The following INPP5K variants were observed in gnomAD, a reference collection of about 807,000 sequenced individuals.
INPP5K encodes the protein inositol polyphosphate 5-phosphatase K.
Under a neutral mutation model 53.5 loss-of-function variants are expected in INPP5K, and 35 were observed. The ratio of observed to expected loss-of-function variants is 0.65; its 90% CI spans 0.50 to 0.87. The LOEUF (loss-of-function observed/expected upper bound fraction) is 0.87, where lower values mean the gene tolerates loss of function less well. Ranked by LOEUF, INPP5K falls within the 40% of genes least tolerant of loss-of-function variation. The probability of loss-of-function intolerance (pLI) is 0.00; values close to 1 mark genes in which losing one functional copy is unlikely to be tolerated. For synonymous variants in INPP5K, 253 were observed against 232.8 expected (o/e 1.09, Z -0.79); for missense variants, 550 against 586.2 (o/e 0.94, Z 0.64).
chr17:1,515,189 C>G (rs150004305), intron 1 of INPP5K, among the ~76,000 whole-genome samples: 1 of 152,094 alleles, frequency 6.6e-6, no homozygotes, highest in South Asian at 2.1e-4. Flanking sequence ...GATTACAGGC[C>G]TGAGCCACCG....
chr17:1,498,331 T>C, intron 7 of INPP5K: 1 of 446,310 alleles, frequency 2.2e-6, no homozygotes, highest in African/African-American at 1.9e-5. Flanking sequence ...TTGTCAGACT[T>C]AGCCAGGACC....
intron 7 of INPP5K, among the ~76,000 whole-genome samples, chr17:1,498,524 G>A (rs1356100643): frequency 1.3e-5 from 2 of 152,166 alleles, no homozygotes; most frequent in African/African-American, 4.8e-5. Context: ...GTATGCCTCA[G>A]GAAAGGGAAG....
Position 1,513,918 on chromosome 17 carries a change from G to C in INPP5K, c.106C>G (p.Leu36Val), listed in dbSNP as rs1389525584. The C allele has an allele frequency of 6.2e-7, 1 of 1,613,660 alleles. No homozygotes were observed. Among genetic ancestry groups the C allele is most frequent in the Non-Finnish European group, 8.5e-7 (1 of 1,179,678 alleles). ...TTGAGGTTCCGGTTGTTCAGCTGAA[G>C]CAGGTCACTGAGATCTAGAGGGGGC... ...AAPPLDLSDL[L>V]QLNNRNLNLD... The change falls in exon 2 of 12, where the codon CTT becomes GTT. Residue 36 changes from leucine to valine, a missense_variant. Physicochemically the swap from Leu to Val is conservative, Grantham distance 32. Transcript: ENST00000421807.
intron 7 of INPP5K, among the ~76,000 whole-genome samples, chr17:1,502,145 G>T (rs368378587): frequency 0.022 from 3,263 of 151,348 alleles, 58 homozygotes; most frequent in Non-Finnish European, 0.035. Context: ...GTCAGGACAT[G>T]GAGACCATCC....
intron 3 of INPP5K, 101 bp downstream of exon 3, chr17:1,513,352 A>G: frequency 1.0e-6 from 1 of 982,782 alleles, no homozygotes; most frequent in Non-Finnish European, 1.6e-6. Context: ...AACAGCATGA[A>G]AGGCTGAGCA....
chr17:1,496,143 T>C lies in INPP5K; in HGVS notation c.1207A>G (p.Ile403Val). 1.2e-6 allele frequency: 2 copies of C among 1,612,744 alleles called. No homozygotes were observed. Among genetic ancestry groups the C allele is most frequent in the South Asian group, 1.1e-5 (1 of 91,064 alleles). Reference protein sequence around the residue: ...LNQVYIDISNIPTTEDEFLLC... With the variant: ...LNQVYIDISNVPTTEDEFLLC... ...AGAAACTCATCTTCAGTGGTAGGGA[T>C]ATTGCTGATGTCGATGTAAACCTGG... is the stretch of plus-strand genomic sequence containing the variant. The change falls in exon 11 of 12, where the codon ATC becomes GTC. Residue 403 changes from isoleucine to valine, a missense_variant. Physicochemically the swap from Ile to Val is conservative, Grantham distance 29. Coordinates refer to ENST00000421807, the MANE Select transcript of INPP5K (RefSeq NM_016532.4).
At position 1,508,190 on chromosome 17, in the gene INPP5K, G is replaced by A; in HGVS notation, c.591C>T (p.Ile197=). ...IIWFGDMNFR[I]EDFGLHFVRE... ...GAACAAAGTGCAACCCAAAGTCCTC[G>A]ATCCGAAAGTTCATGTCTCCAAACC... Residue 197 remains isoleucine, a synonymous_variant, in exon 6 of 12, where the codon ATC becomes ATT. Transcript: ENST00000421807. The A allele has an allele frequency of 2.5e-6, 4 of 1,614,012 alleles. No homozygotes were observed. The highest frequency in any genetic ancestry group is 2.5e-6 in the Non-Finnish European group (3 of 1,179,988).
At chr17:1,515,865 G>A (rs1290646137) in intron 1 of INPP5K, 1 of 965,644 alleles carries the variant, frequency 1.0e-6, no homozygotes. Context: ...CTTTTACTCA[G>A]AGACTTCTTT....
At position 1,495,893 on chromosome 17, in the gene INPP5K, GC is replaced by G; in HGVS notation, c.1291-15del. 6.2e-7 allele frequency: 1 copy of G among 1,607,252 alleles called. No individual in the cohort carries two copies. Among genetic ancestry groups the G allele is most frequent in the Non-Finnish European group, 8.5e-7 (1 of 1,174,320 alleles). On this transcript the variant is annotated splice_polypyrimidine_tract_variant and intron_variant, in intron 11 of 11. Coordinates refer to ENST00000421807, the MANE Select transcript of INPP5K (RefSeq NM_016532.4). The stretch of plus-strand genomic sequence containing the variant: ...GCCAGGCGGGATCTGCAGGGATAAA[GC>G]AGGTGGTGGAAATGGAGAGCGGGTC...
intron 7 of INPP5K, among the ~76,000 whole-genome samples, chr17:1,503,199 T>C (rs1005224686): frequency 2.6e-5 from 4 of 150,964 alleles, no homozygotes; most frequent in South Asian, 2.1e-4. Context: ...TTTTTTTTTT[T>C]TTGAGACGAA....
intron 3 of INPP5K, among the ~76,000 whole-genome samples, chr17:1,510,000 G>A (rs141682577): frequency 6.6e-6 from 1 of 152,348 alleles, no homozygotes; most frequent in African/African-American, 2.4e-5. Flanking sequence ...CATTCTGGGG[G>A]CTGAGGTTTT....
intron 1 of INPP5K, chr17:1,515,888 T>A: frequency 1.0e-6 from 1 of 985,126 alleles, no homozygotes; most frequent in Non-Finnish European, 1.2e-6. Flanking sequence ...CCAGACTCAC[T>A]CTAAGAGGAT....
chr17:1,512,717 C>G (rs1258972570), intron 3 of INPP5K, among the ~76,000 whole-genome samples: 1 of 152,154 alleles, frequency 6.6e-6, no homozygotes, highest in Non-Finnish European at 1.5e-5. Flanking sequence ...CCAGAGTATA[C>G]TGGTCTCTCA....
At chr17:1,514,042 C>G (rs2075372814) in intron 1 of INPP5K, 63 bp from the exon 2 acceptor site, 1 of 1,179,552 alleles carries the variant, frequency 8.5e-7, no homozygotes, top group Non-Finnish European at 1.2e-6. Context: ...ACGGGGTCGG[C>G]TGGGCGCAGA....
intron 7 of INPP5K, among the ~76,000 whole-genome samples, chr17:1,502,217 C>T (rs560977376): frequency 4.6e-5 from 7 of 151,988 alleles, no homozygotes; most frequent in Non-Finnish European, 7.4e-5. Flanking sequence ...GGCGTGGTGA[C>T]GGGCGCCTGT....
Position 1,495,708 on chromosome 17 carries a change from C to A in INPP5K, c.*115G>T, listed in dbSNP as rs966919342. ...GCTCACTCTGGGAGGAGTATGTGGA[C>A]GACACTTGGCTGTCTCTTCAGGGGG... On this transcript the variant is annotated 3_prime_UTR_variant, in exon 12 of 12. Coordinates refer to ENST00000421807, the MANE Select transcript of INPP5K (RefSeq NM_016532.4). 4 of 702,620 alleles carry A rather than the reference C, an allele frequency of 5.7e-6. 1 individual carries two copies. The East Asian group carries it at 1.1e-4, about 19-fold the overall frequency. The allele number at this position is 702,620 out of a possible 1,614,324, so 43.5% of individuals were successfully genotyped here.
Position 1,516,495 on chromosome 17 carries a change from C to CATG in INPP5K, c.4_5insCAT (p.Ser2delinsThrCys). The CATG allele has an allele frequency of 6.3e-7, 1 of 1,583,690 alleles. No individual in the cohort carries two copies. Among genetic ancestry groups the CATG allele is most frequent in the Non-Finnish European group, 8.5e-7 (1 of 1,174,106 alleles). On this transcript the variant is annotated protein_altering_variant, in exon 1 of 12. Coordinates refer to ENST00000421807, the MANE Select transcript of INPP5K (RefSeq NM_016532.4). ...TTTCGGCCCGCTCAGCTTCCGCGAG[C>CATG]TCATGGCCGCCGTCGTCCCCGCGCG...
At chr17:1,508,268 G>C in intron 5 of INPP5K, 42 bp from the exon 6 acceptor site, 1 of 1,486,630 alleles carries the variant, frequency 6.7e-7, no homozygotes, top group East Asian at 2.3e-5. Context: ...TTGTGATGAA[G>C]TCGGGGAAGG....
intron 3 of INPP5K, among the ~76,000 whole-genome samples, chr17:1,511,839 C>T (rs1025515487): frequency 4.6e-5 from 6 of 129,336 alleles, no homozygotes; most frequent in African/African-American, 1.4e-4. Context: ...GACACTGGCT[C>T]GCTTTGTGAA....
Sources: gnomAD v4.1 joint callset for allele counts (sites outside exome capture counted in the v4.1 genomes callset) on GRCh38, gnomAD v4.1.1 for gene constraint, MANE v1.5 for transcripts, NCBI Gene and HGNC (gene_info 2026-07-23, HGNC 2026-07-21) for gene names.